Variants in SNX25 observed in about 807,000 individuals in gnomAD.
SNX25 encodes sorting nexin 25, also known as sorting nexin-25.
Under a neutral mutation model 113.7 loss-of-function variants are expected in SNX25, and 62 were observed. The ratio of observed to expected loss-of-function variants is 0.55; its 90% CI spans 0.44 to 0.67. SNX25 has a LOEUF of 0.67. Ranked by LOEUF, SNX25 falls within the 30% of genes least tolerant of loss-of-function variation. SNX25 has a pLI of 0.00. For missense variants in SNX25, 1,014 were observed against 1,161.0 expected (o/e 0.87, Z 1.84); for synonymous variants, 421 against 436.2 (o/e 0.97, Z 0.43).
chr4:185,378,317 C>T, the SNX25 span: 4 of 1,469,104 alleles, frequency 2.7e-6, no homozygotes, highest in African/African-American at 2.8e-5. Flanking sequence ...CTTCTCTCAT[C>T]GCCTAGATAG....
chr4:185,356,352 C>T (rs779787558), intron 15 of SNX25, among the ~76,000 whole-genome samples: 9 of 152,128 alleles, frequency 5.9e-5, no homozygotes, highest in Admixed American at 2.0e-4. Flanking sequence ...TAGAGTTGCA[C>T]TTGTCCTCAG....
chr4:185,279,945 G>C (rs908111238), intron 5 of SNX25, among the ~76,000 whole-genome samples: 20 of 152,040 alleles, frequency 1.3e-4, no homozygotes, highest in Admixed American at 8.5e-4. Context: ...TTTTAAGACA[G>C]GGTCTCACTC....
chr4:185,290,666 T>C (rs936668842), intron 6 of SNX25, among the ~76,000 whole-genome samples: 2 of 149,206 alleles, frequency 1.3e-5, no homozygotes, highest in Non-Finnish European at 3.0e-5. Flanking sequence ...ACAAAGTAAC[T>C]GTCAAGAATT....
chr4:185,336,262 A>G (rs1185326714), intron 10 of SNX25, among the ~76,000 whole-genome samples: 5 of 152,138 alleles, frequency 3.3e-5, no homozygotes, highest in East Asian at 1.9e-4. Flanking sequence ...AGATTTTGGT[A>G]TACCTATCAC....
At chr4:185,224,187 C>T (rs1443094283) in intron 1 of SNX25, among the ~76,000 whole-genome samples, 1 of 151,794 alleles carries the variant, frequency 6.6e-6, no homozygotes, top group African/African-American at 2.4e-5. Flanking sequence ...CCTGTCTCTA[C>T]TAGAAATACA....
upstream of SNX25, among the ~76,000 whole-genome samples, chr4:185,205,312 G>A (rs1276140753): frequency 6.6e-6 from 1 of 152,094 alleles, no homozygotes; most frequent in Non-Finnish European, 1.5e-5. Context: ...AAATTAGCTG[G>A]GCGTGGTGAC....
intron 5 of SNX25, among the ~76,000 whole-genome samples, chr4:185,287,376 G>C (rs1751486215): frequency 1.3e-5 from 2 of 152,190 alleles, no homozygotes; most frequent in Non-Finnish European, 2.9e-5. Flanking sequence ...TTTTGATTCT[G>C]TTGGGTTGGG....
chr4:185,259,353 A>G (rs1746912392), intron 3 of SNX25, among the ~76,000 whole-genome samples: 1 of 152,224 alleles, frequency 6.6e-6, no homozygotes, highest in Non-Finnish European at 1.5e-5. Flanking sequence ...CTAGAAATAA[A>G]AAATTTAAAT....
intron 7 of SNX25, among the ~76,000 whole-genome samples, chr4:185,314,754 AGGCTGC>A (rs2095057536): frequency 1.3e-5 from 2 of 150,000 alleles, no homozygotes; most frequent in Admixed American, 1.3e-4. Context: ...GGTACTCGGG[AGGCTGC>A]GGCAGAAGAA....
intron 6 of SNX25, among the ~76,000 whole-genome samples, chr4:185,306,010 C>T (rs1448886870): frequency 1.3e-5 from 2 of 152,208 alleles, no homozygotes; most frequent in African/African-American, 4.8e-5. Context: ...GTGATTAACC[C>T]AGTTTCTAAC....
At chr4:185,267,278 C>G (rs1748253768) in intron 5 of SNX25, 123 bp downstream of exon 5, 12 of 927,858 alleles carry the variant, frequency 1.3e-5, no homozygotes, top group Non-Finnish European at 2.0e-5. Flanking sequence ...ATAAATCTTA[C>G]TATTTAGTGA....
chr4:185,368,051 G>C (rs949566114), downstream of SNX25, among the ~76,000 whole-genome samples: 2 of 152,238 alleles, frequency 1.3e-5, no homozygotes, highest in African/African-American at 4.8e-5. Context: ...GGTGGTGGGC[G>C]CCTGTGGTGC....
chr4:185,314,750 C>T (rs1372168345), intron 7 of SNX25, among the ~76,000 whole-genome samples: 1 of 149,802 alleles, frequency 6.7e-6, no homozygotes, highest in African/African-American at 2.5e-5. Context: ...CCCAGGTACT[C>T]GGGAGGCTGC....
chr4:185,348,963 C>T (rs1274214557), intron 13 of SNX25, among the ~76,000 whole-genome samples: 3 of 152,092 alleles, frequency 2.0e-5, no homozygotes, highest in Middle Eastern at 6.8e-3. Flanking sequence ...CAGTATTTGT[C>T]TTTCTGTACC....
chr4:185,291,353 T>C (rs573219947), intron 6 of SNX25, among the ~76,000 whole-genome samples: 1 of 152,248 alleles, frequency 6.6e-6, no homozygotes, highest in Middle Eastern at 3.4e-3. Flanking sequence ...CGTTAAACAA[T>C]AGCTCCACTC....
At chr4:185,253,072 A>G (rs1745898062) in intron 2 of SNX25, among the ~76,000 whole-genome samples, 1 of 129,632 alleles carries the variant, frequency 7.7e-6, no homozygotes, top group Non-Finnish European at 1.8e-5. Context: ...AGATAGGAAA[A>G]AGACGACTTC....
chr4:185,210,551 G>T lies in SNX25; in HGVS notation c.429+296G>T, dbSNP rs1457022020. On this transcript the variant is annotated intron_variant, in intron 1 of 18. Coordinates refer to ENST00000652585, the MANE Select transcript of SNX25 (RefSeq NM_001378034.2). This position sits in a 1 kb window ranked among gnomAD's most constrained non-coding sequence, Gnocchi z 4.4. ...AGTCACAACCCTAAGGGTGTCCCCA[G>T]ACCTTCGGTGTCGCTTGCCGTGGGA... Among the ~76,000 whole-genome samples, 1 of 152,186 alleles carries T rather than the reference G, an allele frequency of 6.6e-6. No individual in the cohort carries two copies. The highest frequency in any genetic ancestry group is 1.5e-5 in the Non-Finnish European group (1 of 68,036).
intron 2 of SNX25, among the ~76,000 whole-genome samples, chr4:185,257,003 ATTAT>A (rs1319938412): frequency 6.6e-6 from 1 of 152,074 alleles, no homozygotes; most frequent in African/African-American, 2.4e-5. Flanking sequence ...AGGCTAAAAA[ATTAT>A]TTGACACGTA....
chr4:185,352,356 A>T (rs2095319904), intron 14 of SNX25, among the ~76,000 whole-genome samples: 1 of 152,174 alleles, frequency 6.6e-6, no homozygotes, highest in African/African-American at 2.4e-5. Flanking sequence ...GAGTTTGGAC[A>T]GAGGAACTGA....
Sources: allele counts gnomAD v4.1 joint callset (sites outside exome capture counted in the v4.1 genomes callset), GRCh38; gene constraint gnomAD v4.1.1; non-coding constraint Gnocchi (gnomAD v3.1); transcripts MANE v1.5; gene names NCBI Gene and HGNC (gene_info 2026-07-23, HGNC 2026-07-21).